Variants in ATG4D observed in about 807,000 individuals in gnomAD.
ATG4D encodes the protein cysteine protease ATG4D.
A neutral mutation model predicts 55.2 loss-of-function variants in ATG4D; 51 were observed. The ratio of observed to expected loss-of-function variants is 0.92; its 90% CI spans 0.74 to 1.17. The LOEUF is 1.17. ATG4D is among the 50% of genes most tolerant of loss of function. ATG4D has a pLI of 0.00. For missense variants in ATG4D, 635 were observed against 649.6 expected (o/e 0.98, Z 0.25); for synonymous variants, 268 against 266.2 (o/e 1.01, Z -0.07).
In ATG4D at chr19:10,544,883, G is replaced by T. The variant is rs1475183342; in HGVS notation, c.319+17G>T. The stretch of plus-strand genomic sequence containing the variant: ...AGGGCGAGGGTGAGCTGGTGGTTGG[G>T]ACCAGGGCTGGGGGAGGCCTCTCCA... On this transcript the variant is annotated intron_variant, in intron 2 of 9. Transcript: ENST00000309469. The T allele has an allele frequency of 1.9e-6, 3 of 1,603,264 alleles. No homozygotes were observed. Among genetic ancestry groups the T allele is most frequent in the Non-Finnish European group, 2.6e-6 (3 of 1,173,678 alleles).
At chr19:10,546,082 A>G (rs769809517) in intron 3 of ATG4D, among the ~76,000 whole-genome samples, 22 of 152,048 alleles carry the variant, frequency 1.4e-4, no homozygotes, top group Non-Finnish European at 2.9e-4. Flanking sequence ...GCACATTAGG[A>G]GGCTGAGGCA....
Position 10,552,222 on chromosome 19 carries a change from G to T in ATG4D, c.1140G>T (p.Ser380=). The change falls in exon 9 of 10, where the codon TCG becomes TCT. Residue 380 remains serine (S), a synonymous_variant. Transcript: ENST00000309469. ...TGCCCCAGTCCTTCCACTGCACCTC[G>T]CCCCGCAAGATGGCCTTTGCCAAGA... ...DFPLESFHCT[S]PRKMAFAKMD... 5 of 1,613,036 alleles carry T rather than the reference G, an allele frequency of 3.1e-6. No homozygotes were observed. The South Asian group carries it at 4.4e-5, about 14-fold the overall frequency.
intron 3 of ATG4D, among the ~76,000 whole-genome samples, chr19:10,546,313 T>C (rs1230157119): frequency 6.6e-6 from 1 of 151,830 alleles, no homozygotes; most frequent in African/African-American, 2.4e-5. Flanking sequence ...GACAGTGAGA[T>C]CCTGTCTTTA....
chr19:10,552,146 T>C (rs368969533), intron 8 of ATG4D, 25 bp downstream of exon 8: 7 of 1,611,764 alleles, frequency 4.3e-6, no homozygotes, highest in Middle Eastern at 1.6e-4. Context: ...CAGTGTGTGG[T>C]TGGGGCCATG....
intron 5 of ATG4D, among the ~76,000 whole-genome samples, chr19:10,548,029 TTTTTTTTTTTTTTTTTTTTG>T (rs1916103009): frequency 4.8e-5 from 3 of 62,130 alleles, no homozygotes; most frequent in African/African-American, 2.1e-4. Flanking sequence ...TTTTTTTTTT[TTTTTTTTTTTTTTTTTTTTG>T]AGACAGAGTC....
chr19:10,544,251 C>T lies in ATG4D; in HGVS notation c.161C>T (p.Ala54Val). The T allele has an allele frequency of 1.6e-6, 2 of 1,264,680 alleles. No individual in the cohort carries two copies. The highest frequency in any genetic ancestry group is 1.5e-5 in the African/African-American group (1 of 65,156). The allele number at this position is 1,264,680 out of a possible 1,614,324, so 78.3% of individuals were successfully genotyped here. A position where few individuals can be genotyped will look rare whatever the true frequency, so the allele number is the denominator to read the frequency against. ...ASGPALGSPG[A>V]GPSEPDEVDK... ...GGCCCCGCTCTTGGCTCTCCCGGGG[C>T]TGGCCCGAGTGAGCCGGACGAAGTG... is the stretch of plus-strand genomic sequence containing the variant. Residue 54 changes from alanine (A) to valine (V), a missense_variant, in exon 1 of 10, where the codon GCT becomes GTT. Physicochemically the swap from Ala to Val is moderately conservative, Grantham distance 64. Coordinates refer to ENST00000309469, the MANE Select transcript of ATG4D (RefSeq NM_032885.6).
rs1240559161 is a variant in ATG4D, at chr19:10,547,118, GAGGGCTGCTGC to G, written c.770+8_770+18del. On this transcript the variant is annotated splice_donor_5th_base_variant and intron_variant, in intron 4 of 9. Transcript: ENST00000309469. Reference sequence around the variant, plus strand: ...TCGCTAGTGGCACACATCCTCAGGTGAGGGCTGCTGCAGGGATCACGGGAGTTGCTGGGTAC... The same window carrying G: ...TCGCTAGTGGCACACATCCTCAGGTGAGGGATCACGGGAGTTGCTGGGTAC... The G allele has an allele frequency of 1.2e-6, 2 of 1,606,698 alleles. No individual in the cohort carries two copies. Among genetic ancestry groups the G allele is most frequent in the Admixed American group, 3.4e-5 (2 of 58,776 alleles).
chr19:10,549,157 CTT>C lies in ATG4D; in HGVS notation c.966+124_966+125del, dbSNP rs1916142679. 2.3e-6 allele frequency: 3 copies of C among 1,313,392 alleles called. No individual in the cohort carries two copies. In the South Asian group the frequency reaches 4.6e-5, roughly 20 times the overall value. 81.4% of individuals were successfully genotyped at this position (1,313,392 alleles called of 1,614,324 possible). A position where few individuals can be genotyped will look rare whatever the true frequency, so the allele number is the denominator to read the frequency against. On this transcript the variant is annotated intron_variant, in intron 6 of 9. Transcript: ENST00000309469. The stretch of plus-strand genomic sequence containing the variant: ...TTTTTTTTTGAGATGGAGTTTCGCT[CTT>C]GTTGCCCAGGCTGGAGGTCAATAAC...
chr19:10,544,106 C>T lies in ATG4D; in HGVS notation c.16C>T (p.Pro6Ser). 4.0e-6 allele frequency: 5 copies of T among 1,241,076 alleles called. No homozygotes were observed. The highest frequency in any genetic ancestry group is 5.1e-6 in the Non-Finnish European group (5 of 985,598). The allele number at this position is 1,241,076 out of a possible 1,614,324, so 76.9% of individuals were successfully genotyped here. ...CGGCGCGTCCATGAACTCAGTGTCGCCGGCCGCCGCGCAGTACCGGAGCAG... is the reference window on the plus strand; with the variant it reads ...CGGCGCGTCCATGAACTCAGTGTCGTCGGCCGCCGCGCAGTACCGGAGCAG... MNSVSPAAAQYRSSSP... is the reference protein window; with the variant it reads MNSVSSAAAQYRSSSP... The change falls in exon 1 of 10, where the codon CCG (proline) becomes TCG (serine). Residue 6 changes from proline (P) to serine (S), a missense_variant. Coordinates refer to ENST00000309469, the MANE Select transcript of ATG4D (RefSeq NM_032885.6).
intron 6 of ATG4D, among the ~76,000 whole-genome samples, chr19:10,549,984 C>T (rs1186661379): frequency 6.7e-6 from 1 of 149,264 alleles, no homozygotes; most frequent in Non-Finnish European, 1.5e-5. Context: ...CCAGTCTGGG[C>T]AACATAGTGA....
intron 1 of ATG4D, 137 bp from the exon 2 acceptor site, chr19:10,544,646 A>G: frequency 6.8e-7 from 1 of 1,477,266 alleles, no homozygotes; most frequent in Non-Finnish European, 9.0e-7. Flanking sequence ...TGGGGGCCCC[A>G]CCTCCGACGG....
intron 3 of ATG4D, among the ~76,000 whole-genome samples, chr19:10,546,352 AT>A (rs532503665): frequency 1.4e-3 from 197 of 145,760 alleles, no homozygotes; most frequent in Middle Eastern, 3.5e-3. Flanking sequence ...TATTATTATT[AT>A]TTTTTTTTTT....
chr19:10,552,004 AC>A, intron 7 of ATG4D, 29 bp downstream of exon 7: 2 of 675,866 alleles, frequency 3.0e-6, no homozygotes, highest in Non-Finnish European at 4.1e-6. Context: ...CACTCCTCCC[AC>A]CCCCCACCGC....
intron 5 of ATG4D, 69 bp downstream of exon 5, chr19:10,547,322 G>C: frequency 1.3e-6 from 2 of 1,556,572 alleles, no homozygotes; most frequent in South Asian, 1.1e-5. Flanking sequence ...CCGATTCTTA[G>C]AGTGCATCTT....
At chr19:10,552,842 T>A in intron 9 of ATG4D, 43 bp from the exon 10 acceptor site, 1 of 1,570,604 alleles carries the variant, frequency 6.4e-7, no homozygotes, top group East Asian at 2.3e-5. Context: ...GGAATATGGC[T>A]TGGCACTGTT....
At position 10,544,033 on chromosome 19, in the gene ATG4D, G is replaced by A; in HGVS notation, c.-58G>A. On this transcript the variant is annotated 5_prime_UTR_variant, in exon 1 of 10. Coordinates refer to ENST00000309469, the MANE Select transcript of ATG4D (RefSeq NM_032885.6). Reference sequence around the variant, plus strand: ...CGTGAACCGGCTGCGGGTCGCCCTTGGGGGGCAGCGGCCGCAGCCCCCCAC... The same window carrying A: ...CGTGAACCGGCTGCGGGTCGCCCTTAGGGGGCAGCGGCCGCAGCCCCCCAC... The A allele has an allele frequency of 8.6e-7, 1 of 1,165,574 alleles. No individual in the cohort carries two copies. Among genetic ancestry groups the A allele is most frequent in the Non-Finnish European group, 1.1e-6 (1 of 929,094 alleles). The allele number at this position is 1,165,574 out of a possible 1,614,324, so 72.2% of individuals were successfully genotyped here. A position where few individuals can be genotyped will look rare whatever the true frequency, so the allele number is the denominator to read the frequency against.
chr19:10,551,484 TAGG>T (rs1916225599), intron 6 of ATG4D, among the ~76,000 whole-genome samples: 1 of 148,458 alleles, frequency 6.7e-6, no homozygotes. Context: ...CACCTGAGGT[TAGG>T]AGGAGTTCCA....
chr19:10,544,879 T>C lies in ATG4D; in HGVS notation c.319+13T>C, dbSNP rs1599515232. On this transcript the variant is annotated intron_variant, in intron 2 of 9. Coordinates refer to ENST00000309469, the MANE Select transcript of ATG4D (RefSeq NM_032885.6). Reference sequence around the variant, plus strand: ...TTCGAGGGCGAGGGTGAGCTGGTGGTTGGGACCAGGGCTGGGGGAGGCCTC... The same window carrying C: ...TTCGAGGGCGAGGGTGAGCTGGTGGCTGGGACCAGGGCTGGGGGAGGCCTC... 1.2e-6 allele frequency: 2 copies of C among 1,605,664 alleles called. No individual in the cohort carries two copies. Among genetic ancestry groups the C allele is most frequent in the East Asian group, 4.5e-5 (2 of 44,814 alleles).
Position 10,552,287 on chromosome 19 carries a change from G to C in ATG4D, c.1205G>C (p.Arg402Thr), listed in dbSNP as rs1197501240. 6.2e-7 allele frequency: 1 copy of C among 1,613,586 alleles called. No individual in the cohort carries two copies. Among genetic ancestry groups the C allele is most frequent in the Non-Finnish European group, 8.5e-7 (1 of 1,180,018 alleles). The part of the protein sequence containing the change: ...SCTVGFYAGD[R>T]KEFETLCSEL... ...ACCGTGGGCTTCTATGCTGGAGACA[G>C]GAAGGAGTTTGAGACACTCTGCTCA... The change falls in exon 9 of 10, where the codon AGG becomes ACG. Residue 402 changes from arginine (R) to threonine (T), a missense_variant. Coordinates refer to ENST00000309469, the MANE Select transcript of ATG4D (RefSeq NM_032885.6).
Sources: gnomAD v4.1 joint callset for allele counts (sites outside exome capture counted in the v4.1 genomes callset) on GRCh38, gnomAD v4.1.1 for gene constraint, MANE v1.5 for transcripts, NCBI Gene and HGNC (gene_info 2026-07-23, HGNC 2026-07-21) for gene names.